TENM1: variants seen among roughly 807,000 people sequenced by gnomAD.
TENM1 encodes teneurin-1.
TENM1 carries 35 observed loss-of-function variants against 174.8 expected under a neutral mutation model. The observed-to-expected ratio is 0.20, with a 90% confidence interval of 0.15 to 0.27. The LOEUF is 0.27. TENM1 is among the 10% of genes least tolerant of loss of function. TENM1 has a pLI of 1.00. For synonymous variants in TENM1, 781 were observed against 798.7 expected, an observed-to-expected ratio of 0.98 and a Z score of 0.37; for missense variants, 1,633 against 2,130.1, an observed-to-expected ratio of 0.77 and a Z score of 4.59.
intron 3 of TENM1, among the ~76,000 whole-genome samples, chrX:124,828,162 T>C (rs1250935454): frequency 8.9e-6 from 1 of 111,751 alleles, no homozygotes; most frequent in East Asian, 2.8e-4. Flanking sequence ...ACATTTACAG[T>C]TTTTCAACAA....
chrX:124,448,259 T>C (rs1383655779), intron 23 of TENM1, among the ~76,000 whole-genome samples: 1 of 112,209 alleles, frequency 8.9e-6, no homozygotes, highest in Non-Finnish European at 1.9e-5. Flanking sequence ...TCCAGAGTTG[T>C]ATCCCAAAGA....
chrX:124,378,331 G>T (rs1220269047), exon 32 of TENM1: 3 of 112,376 alleles, frequency 2.7e-5, no homozygotes, highest in Non-Finnish European at 5.6e-5. Flanking sequence ...TTTTGGATTT[G>T]TGATAAAATA....
intron 1 of TENM1, among the ~76,000 whole-genome samples, chrX:124,952,654 T>G (rs2058508643): frequency 9.0e-6 from 1 of 111,688 alleles, no homozygotes; most frequent in Admixed American, 9.6e-5. Context: ...TGAAGCCTTA[T>G]AAATATCTCA....
intron 20 of TENM1, among the ~76,000 whole-genome samples, chrX:124,491,593 C>T (rs2047067860): frequency 9.0e-6 from 1 of 111,179 alleles, no homozygotes; most frequent in South Asian, 3.8e-4. Flanking sequence ...CTGCAGGAAA[C>T]AGGCAAAGGG....
intron 3 of TENM1, among the ~76,000 whole-genome samples, chrX:124,870,215 CA>C (rs2057085194): frequency 9.0e-6 from 1 of 111,358 alleles, no homozygotes; most frequent in Admixed American, 9.5e-5. Context: ...AATCATATAC[CA>C]AAAGTTACAT....
At position 124,547,153 on chromosome X, in the gene TENM1, A is replaced by G. The variant is rs148823059; in HGVS notation, c.2435-63T>C. On this transcript the variant is annotated intron_variant, in intron 14 of 31. Transcript: ENST00000422452. ...CTTCAAGAGAAAAATATAGTTTAAAATATACATAAATGGAGAAAATTCTAA... is the reference window on the plus strand; with the variant it reads ...CTTCAAGAGAAAAATATAGTTTAAAGTATACATAAATGGAGAAAATTCTAA... 2,098 of 882,112 alleles carry G rather than the reference A, an allele frequency of 2.4e-3. 36 individuals are homozygous for G. In the African/African-American group the frequency reaches 0.037, roughly 16 times the overall value. 72.7% of individuals were successfully genotyped at this position (882,112 alleles called of 1,213,427 possible).
At chrX:124,674,731 C>A (rs889482220) in intron 5 of TENM1, among the ~76,000 whole-genome samples, 1 of 111,250 alleles carries the variant, frequency 9.0e-6, no homozygotes, top group African/African-American at 3.3e-5. Context: ...TAGTTTAACA[C>A]ACCTGTTCCA....
chrX:124,890,528 A>G (rs754817042), intron 3 of TENM1, among the ~76,000 whole-genome samples: 22 of 112,436 alleles, frequency 2.0e-4, no homozygotes, highest in Non-Finnish European at 3.8e-4. Flanking sequence ...AAAAGAATAG[A>G]CATTTCTCAG....
At chrX:124,788,780 T>C (rs2055105414) in intron 3 of TENM1, among the ~76,000 whole-genome samples, 2 of 112,642 alleles carry the variant, frequency 1.8e-5, no homozygotes, top group African/African-American at 3.2e-5. Context: ...GCCCCCCTCA[T>C]GGCTGCTTTC....
chrX:124,747,940 T>C (rs1362609001), intron 3 of TENM1, among the ~76,000 whole-genome samples: 1 of 111,682 alleles, frequency 9.0e-6, no homozygotes, highest in Admixed American at 9.5e-5. Context: ...GAAATTAAAA[T>C]GCAAGCATGT....
At chrX:125,035,812 T>C in the TENM1 span, among the ~76,000 whole-genome samples, 1 of 111,101 alleles carries the variant, frequency 9.0e-6, no homozygotes, top group Non-Finnish European at 1.9e-5. Flanking sequence ...TAGAGTGATA[T>C]TTGAGGCTGT....
At chrX:125,161,123 G>A in the TENM1 span, among the ~76,000 whole-genome samples, 2 of 107,391 alleles carry the variant, frequency 1.9e-5, no homozygotes, top group African/African-American at 6.8e-5. Context: ...CCATACAATG[G>A]AATATTATAT....
the TENM1 span, among the ~76,000 whole-genome samples, chrX:125,007,525 T>C: frequency 9.0e-6 from 1 of 110,669 alleles, no homozygotes; most frequent in African/African-American, 3.3e-5. Flanking sequence ...ATTCAGGAAA[T>C]ACAGAGAACA....
chrX:124,384,984 A>C (rs773083024), intron 29 of TENM1, 130 bp from the exon 33 acceptor site: 1 of 544,269 alleles, frequency 1.8e-6, no homozygotes, highest in East Asian at 3.7e-5. Context: ...CTGATCTCTG[A>C]TATCAAATGC....
chrX:124,839,754 T>G (rs753442118), intron 3 of TENM1, among the ~76,000 whole-genome samples: 1 of 112,173 alleles, frequency 8.9e-6, no homozygotes, highest in Non-Finnish European at 1.9e-5. Flanking sequence ...CATTTAGGCA[T>G]GAACCAAAAA....
intron 11 of TENM1, among the ~76,000 whole-genome samples, chrX:124,593,305 C>T (rs1004841564): frequency 9.0e-6 from 1 of 111,217 alleles, no homozygotes; most frequent in Admixed American, 9.5e-5. Flanking sequence ...TGAGTTGGTG[C>T]TCCAAATGCC....
At chrX:125,019,016 C>T in the TENM1 span, among the ~76,000 whole-genome samples, 1 of 111,929 alleles carries the variant, frequency 8.9e-6, no homozygotes, top group South Asian at 3.7e-4. Context: ...AAATGTTTTA[C>T]ATCTGTGAAT....
intron 11 of TENM1, among the ~76,000 whole-genome samples, chrX:124,638,656 T>C (rs1416481537): frequency 1.8e-5 from 2 of 111,151 alleles, no homozygotes; most frequent in Non-Finnish European, 3.8e-5. Flanking sequence ...TCCCAAACTA[T>C]GTTCCAAATA....
intron 31 of TENM1, 52 bp from the exon 35 acceptor site, chrX:124,381,346 G>C: frequency 9.3e-7 from 1 of 1,075,839 alleles, no homozygotes. Context: ...ACATCTGTCA[G>C]ATACTTGGTG....
Sources: gnomAD v4.1 joint callset for allele counts (sites outside exome capture counted in the v4.1 genomes callset) on GRCh38, gnomAD v4.1.1 for gene constraint, MANE v1.5 for transcripts, NCBI Gene and HGNC (gene_info 2026-07-23, HGNC 2026-07-21) for gene names.